NTAQ1: variants seen among roughly 807,000 people sequenced by gnomAD.
NTAQ1 encodes N-terminal glutamine amidase 1.
A neutral mutation model predicts 28.2 loss-of-function variants in NTAQ1; 21 were observed. That is an observed-to-expected ratio of 0.74 (90% CI 0.53 to 1.07). NTAQ1 has a LOEUF of 1.07. Among genes scored for constraint, NTAQ1 ranks in the 50% least tolerant of loss-of-function variants. NTAQ1 has a pLI of 0.00. For synonymous variants in NTAQ1, 105 were observed against 90.0 expected, an observed-to-expected ratio of 1.17 and a Z score of -0.94; for missense variants, 264 against 256.6, an observed-to-expected ratio of 1.03 and a Z score of -0.20.
At chr8:123,419,667 AC>A (rs1455566938) in intron 1 of NTAQ1, among the ~76,000 whole-genome samples, 3 of 151,560 alleles carry the variant, frequency 2.0e-5, no homozygotes, top group Admixed American at 6.6e-5. Flanking sequence ...ATCACTGGGA[AC>A]CCCTGGAGTG....
intron 6 of NTAQ1, among the ~76,000 whole-genome samples, chr8:123,456,431 G>A (rs1410273592): frequency 2.0e-5 from 3 of 152,132 alleles, no homozygotes; most frequent in African/African-American, 4.8e-5. Flanking sequence ...ATCTAAGGCA[G>A]CAGGCATTTT....
intron 5 of NTAQ1, among the ~76,000 whole-genome samples, chr8:123,439,550 G>A (rs1049335577): frequency 2.6e-5 from 4 of 151,844 alleles, no homozygotes; most frequent in African/African-American, 9.7e-5. Flanking sequence ...GTCTTACCGT[G>A]TTAGCCAGGA....
At chr8:123,423,870 T>TTTA (rs71310681) in intron 1 of NTAQ1, among the ~76,000 whole-genome samples, 52,571 of 149,402 alleles carry the variant, frequency 0.35, 9,391 homozygotes, top group East Asian at 0.56. Context: ...CTTTGTAGTT[T>TTTA]TTATTATTAT....
At chr8:123,455,484 G>C (rs1404850398) in intron 6 of NTAQ1, among the ~76,000 whole-genome samples, 1 of 148,340 alleles carries the variant, frequency 6.7e-6, no homozygotes, top group African/African-American at 2.5e-5. Flanking sequence ...GGAGTGCAGT[G>C]GTGCAATCTT....
intron 6 of NTAQ1, among the ~76,000 whole-genome samples, chr8:123,458,630 T>C (rs1321072449): frequency 1.3e-5 from 2 of 151,708 alleles, no homozygotes; most frequent in Admixed American, 6.6e-5. Context: ...TTCTTTCTTT[T>C]TTTTTTTTTG....
intron 1 of NTAQ1, among the ~76,000 whole-genome samples, chr8:123,424,304 A>G (rs13273196): frequency 0.36 from 54,788 of 150,392 alleles, 10,032 homozygotes; most frequent in East Asian, 0.56. Context: ...GTGCAGTAGC[A>G]CGATCTCAGC....
chr8:123,463,094 C>A (rs1378642774), intron 6 of NTAQ1, among the ~76,000 whole-genome samples: 2 of 152,158 alleles, frequency 1.3e-5, no homozygotes, highest in African/African-American at 4.8e-5. Flanking sequence ...AACACTTTTT[C>A]TTTCTCTCTT....
At chr8:123,417,702 C>T (rs920414508) in intron 1 of NTAQ1, among the ~76,000 whole-genome samples, 9 of 152,152 alleles carry the variant, frequency 5.9e-5, no homozygotes, top group African/African-American at 1.7e-4. Flanking sequence ...TACTCCTCCC[C>T]CTTCTGCTGG....
intron 6 of NTAQ1, among the ~76,000 whole-genome samples, chr8:123,458,068 A>C (rs1448959303): frequency 6.8e-6 from 1 of 147,608 alleles, no homozygotes; most frequent in Non-Finnish European, 1.5e-5. Flanking sequence ...AAATAAAAAA[A>C]AAAAACAAAT....
chr8:123,444,225 C>T (rs936843536), downstream of NTAQ1, among the ~76,000 whole-genome samples: 84 of 151,978 alleles, frequency 5.5e-4, no homozygotes, highest in African/African-American at 1.9e-3. Context: ...TTTGAGATGC[C>T]GTCTTGCTCT....
At position 123,438,109 on chromosome 8, in the gene NTAQ1, A is replaced by T. The variant is rs1357308926; in HGVS notation, c.508+775A>T. ...GAGCGCTAGCAGGTTTTATTGTACC[A>T]CTTGTCTCATTTATGTGCTTTTAGG... On this transcript the variant is annotated intron_variant, in intron 5 of 5. Transcript: ENST00000287387. 5 of 697,584 alleles carry T rather than the reference A, an allele frequency of 7.2e-6. No homozygotes were observed. In the South Asian group the frequency reaches 7.5e-5, roughly 10 times the overall value. The allele number at this position is 697,584 out of a possible 1,614,324, so 43.2% of individuals were successfully genotyped here.
chr8:123,469,371 C>T (rs1431437944), exon 7 of NTAQ1, among the ~76,000 whole-genome samples: 1 of 152,124 alleles, frequency 6.6e-6, no homozygotes, highest in Non-Finnish European at 1.5e-5. Context: ...GAAAAGTAAG[C>T]CTTGGTCAAG....
At chr8:123,418,931 G>C (rs1187071618) in intron 1 of NTAQ1, among the ~76,000 whole-genome samples, 1 of 152,180 alleles carries the variant, frequency 6.6e-6, no homozygotes, top group Non-Finnish European at 1.5e-5. Context: ...CCTAGCCCTA[G>C]TTATGACAAC....
chr8:123,433,814 C>A (rs1404666466), intron 3 of NTAQ1, among the ~76,000 whole-genome samples: 1 of 152,180 alleles, frequency 6.6e-6, no homozygotes, highest in Non-Finnish European at 1.5e-5. Flanking sequence ...ATGAGGTAGA[C>A]CAAGCTTGTC....
Position 123,441,515 on chromosome 8 carries a change from T to C in NTAQ1, c.*100T>C. 1 of 891,152 alleles carries C rather than the reference T, an allele frequency of 1.1e-6. No individual in the cohort carries two copies. Among genetic ancestry groups the C allele is most frequent in the Non-Finnish European group, 1.8e-6 (1 of 563,980 alleles). 55.2% of individuals were successfully genotyped at this position (891,152 alleles called of 1,614,324 possible). A position where few individuals can be genotyped will look rare whatever the true frequency, so the allele number is the denominator to read the frequency against. Reference sequence around the variant, plus strand: ...ACATTATGGTACAGTTGGCTTGGAATTATGTCTTTCTCTTTTAATTTGATT... The same window carrying C: ...ACATTATGGTACAGTTGGCTTGGAACTATGTCTTTCTCTTTTAATTTGATT... On this transcript the variant is annotated 3_prime_UTR_variant, in exon 6 of 6. Coordinates refer to ENST00000287387, the MANE Select transcript of NTAQ1 (RefSeq NM_018024.3).
intron 1 of NTAQ1, among the ~76,000 whole-genome samples, chr8:123,425,175 TCCG>T (rs1813968358): frequency 6.6e-6 from 1 of 152,102 alleles, no homozygotes; most frequent in African/African-American, 2.4e-5. Flanking sequence ...CACTGCAACC[TCCG>T]CCTCCTGGTT....
chr8:123,435,201 C>G (rs1814631711), intron 3 of NTAQ1, among the ~76,000 whole-genome samples: 1 of 152,160 alleles, frequency 6.6e-6, no homozygotes, highest in Admixed American at 6.5e-5. Flanking sequence ...TTGATCACCT[C>G]CCTGAAATCC....
At chr8:123,445,584 A>C (rs1161934171), downstream of NTAQ1, among the ~76,000 whole-genome samples, 1 of 152,106 alleles carries the variant, frequency 6.6e-6, no homozygotes, top group Non-Finnish European at 1.5e-5. Context: ...AAAAATTTCC[A>C]AGGTGAATTT....
chr8:123,451,001 G>A (rs1007163750), downstream of NTAQ1, among the ~76,000 whole-genome samples: 1 of 152,184 alleles, frequency 6.6e-6, no homozygotes, highest in African/African-American at 2.4e-5. Context: ...GCCCTGTGTG[G>A]TCTGGATTAC....
Sources: gnomAD v4.1 joint callset for allele counts (sites outside exome capture counted in the v4.1 genomes callset) on GRCh38, gnomAD v4.1.1 for gene constraint, MANE v1.5 for transcripts, NCBI Gene and HGNC (gene_info 2026-07-23, HGNC 2026-07-21) for gene names.